The following ZNF469 variants were observed in gnomAD, a reference collection of about 807,000 sequenced individuals.
The protein encoded by ZNF469 is zinc finger protein 469.
Under a neutral mutation model 1.0 loss-of-function variants are expected in ZNF469, and 1 was observed. The ratio of observed to expected loss-of-function variants is 1.00; its 90% confidence interval spans 0.35 to 4.73. The LOEUF is 4.73. Ranked by LOEUF, ZNF469 falls within the 30% of genes most tolerant of loss-of-function variation. ZNF469 has a pLI of 0.16. For synonymous variants in ZNF469, 2,703 were observed against 2,363.4 expected, an observed-to-expected ratio of 1.14 and a Z score of -4.17; for missense variants, 6,100 against 5,356.3, an observed-to-expected ratio of 1.14 and a Z score of -4.33.
chr16:88,332,350 G>A, the ZNF469 span, among the ~76,000 whole-genome samples: 1 of 152,330 alleles, frequency 6.6e-6, no homozygotes, highest in Admixed American at 6.5e-5. Flanking sequence ...GCTGGCGCGG[G>A]TGCCTGAGGC....
At chr16:88,102,443 A>C in the ZNF469 span, among the ~76,000 whole-genome samples, 1 of 152,238 alleles carries the variant, frequency 6.6e-6, no homozygotes, top group East Asian at 1.9e-4. Flanking sequence ...TGGAGGTTGC[A>C]GTGAGCCGAG....
chr16:88,205,944 G>T, the ZNF469 span, among the ~76,000 whole-genome samples: 1 of 149,490 alleles, frequency 6.7e-6, no homozygotes, highest in African/African-American at 2.5e-5. The surrounding 1 kb of genome is among the most constrained non-coding windows in gnomAD (Gnocchi z 4.2). Context: ...AGCAGTGGAG[G>T]GTTTCAGAGG....
At chr16:88,270,618 G>C in the ZNF469 span, among the ~76,000 whole-genome samples, 757 of 152,334 alleles carry the variant, frequency 5.0e-3, 7 homozygotes, top group African/African-American at 0.017. Flanking sequence ...CATACTCGAT[G>C]CTTCACAGAC....
chr16:88,154,652 C>G, the ZNF469 span, among the ~76,000 whole-genome samples: 1 of 152,230 alleles, frequency 6.6e-6, no homozygotes, highest in African/African-American at 2.4e-5. Context: ...GCTCACTTTC[C>G]TGTTTGTAAG....
At chr16:88,130,707 A>T in the ZNF469 span, among the ~76,000 whole-genome samples, 44 of 2,402 alleles carry the variant, frequency 0.018, no homozygotes, top group Middle Eastern at 0.25. Flanking sequence ...ACTCTGTGTC[A>T]AAAAAAAAAA....
intron 1 of ZNF469, among the ~76,000 whole-genome samples, chr16:88,396,337 C>T (rs1904657306): frequency 6.6e-6 from 1 of 152,248 alleles, no homozygotes; most frequent in Non-Finnish European, 1.5e-5. Flanking sequence ...AAGAGACCCT[C>T]CTGCAGGGAG....
At chr16:88,384,111 A>C (rs927461781) in intron 1 of ZNF469, among the ~76,000 whole-genome samples, 2 of 152,238 alleles carry the variant, frequency 1.3e-5, no homozygotes, top group Non-Finnish European at 2.9e-5. Flanking sequence ...GCCGTGAGCC[A>C]TGCTGGGCAT....
the ZNF469 span, among the ~76,000 whole-genome samples, chr16:88,233,200 G>A: frequency 1.3e-5 from 2 of 152,220 alleles, no homozygotes; most frequent in Non-Finnish European, 2.9e-5. Flanking sequence ...TGGGCACCGC[G>A]GCAAGCATCT....
At chr16:88,412,457 G>A (rs1301769635) in intron 1 of ZNF469, among the ~76,000 whole-genome samples, 1 of 152,206 alleles carries the variant, frequency 6.6e-6, no homozygotes, top group Non-Finnish European at 1.5e-5. Flanking sequence ...TGCTGCATCG[G>A]AGTTCATGAG....
the ZNF469 span, among the ~76,000 whole-genome samples, chr16:88,322,610 A>C: frequency 6.6e-6 from 1 of 152,204 alleles, no homozygotes. Context: ...GTGCCAGAGC[A>C]GGCGGCACCA....
At chr16:88,260,518 G>A in the ZNF469 span, among the ~76,000 whole-genome samples, 1 of 152,174 alleles carries the variant, frequency 6.6e-6, no homozygotes, top group Non-Finnish European at 1.5e-5. The surrounding 1 kb of genome is among the most constrained non-coding windows in gnomAD (Gnocchi z 4.1). Flanking sequence ...TTTGCTGCTG[G>A]GAGGACGCCG....
At chr16:88,121,242 G>T in the ZNF469 span, among the ~76,000 whole-genome samples, 1 of 80,718 alleles carries the variant, frequency 1.2e-5, no homozygotes, top group South Asian at 5.1e-4. Flanking sequence ...GAGGTTGGGG[G>T]GTGGGGGCGC....
chr16:88,242,589 G>A, the ZNF469 span, among the ~76,000 whole-genome samples: 3 of 152,364 alleles, frequency 2.0e-5, no homozygotes, highest in African/African-American at 7.2e-5. Context: ...TGGGGGTTAG[G>A]ACTTCTACAT....
At chr16:88,297,958 A>T in the ZNF469 span, among the ~76,000 whole-genome samples, 1 of 152,130 alleles carries the variant, frequency 6.6e-6, no homozygotes. Flanking sequence ...TCCCAGCTTG[A>T]GGAAGGAGGT....
the ZNF469 span, among the ~76,000 whole-genome samples, chr16:88,247,047 ATGAGTGAGTGAT>A: frequency 1.1e-5 from 1 of 88,250 alleles, no homozygotes; most frequent in Admixed American, 1.1e-4. Flanking sequence ...GAGTGAATGA[ATGAGTGAGTGAT>A]TGAGTGAGTG....
chr16:88,399,263 A>G (rs1028161849), intron 1 of ZNF469, among the ~76,000 whole-genome samples: 1 of 152,210 alleles, frequency 6.6e-6, no homozygotes, highest in Non-Finnish European at 1.5e-5. Context: ...CGAAGTCTCC[A>G]GACTCATATG....
At chr16:88,109,233 G>A in the ZNF469 span, among the ~76,000 whole-genome samples, 1 of 152,126 alleles carries the variant, frequency 6.6e-6, no homozygotes, top group African/African-American at 2.4e-5. Flanking sequence ...TCTTCTTTGT[G>A]GGTGAGGCCC....
chr16:88,334,753 G>A, the ZNF469 span, among the ~76,000 whole-genome samples: 1 of 152,230 alleles, frequency 6.6e-6, no homozygotes, highest in Non-Finnish European at 1.5e-5. Flanking sequence ...TAAGGAAAAG[G>A]GAGCCTGAGA....
the ZNF469 span, among the ~76,000 whole-genome samples, chr16:88,180,902 A>T: frequency 6.6e-6 from 1 of 152,186 alleles, no homozygotes; most frequent in Non-Finnish European, 1.5e-5. Flanking sequence ...AAATAGAAAA[A>T]TCCCTGAGTA....
Sources: allele counts gnomAD v4.1 joint callset (sites outside exome capture counted in the v4.1 genomes callset), GRCh38; gene constraint gnomAD v4.1.1; non-coding constraint Gnocchi (gnomAD v3.1); transcripts MANE v1.5; gene names NCBI Gene and HGNC (gene_info 2026-07-23, HGNC 2026-07-21).